ADGRG7: variants seen among roughly 807,000 people sequenced by gnomAD.
ADGRG7 encodes the protein G-protein coupled receptor 128.
Under a neutral mutation model 88.6 loss-of-function variants are expected in ADGRG7, and 82 were observed. That is an observed-to-expected ratio of 0.93 (90% CI 0.77 to 1.11). The LOEUF (loss-of-function observed/expected upper bound fraction) is 1.11. Among genes scored for constraint, ADGRG7 ranks in the 50% most tolerant of loss-of-function variants. The probability of loss-of-function intolerance (pLI) is 0.00; values close to 1 mark genes in which losing one functional copy is unlikely to be tolerated. For missense variants in ADGRG7, 945 were observed against 953.4 expected (o/e 0.99, Z 0.12); for synonymous variants, 381 against 345.2 (o/e 1.10, Z -1.15).
At chr3:100,647,257 T>C (rs189091605) in intron 10 of ADGRG7, among the ~76,000 whole-genome samples, 1 of 152,160 alleles carries the variant, frequency 6.6e-6, no homozygotes, top group Non-Finnish European at 1.5e-5. Context: ...GTCAGAACTA[T>C]GTATTTGATC....
intron 14 of ADGRG7, among the ~76,000 whole-genome samples, chr3:100,667,976 G>T (rs376254319): frequency 6.6e-6 from 1 of 152,186 alleles, no homozygotes; most frequent in Admixed American, 6.5e-5. Context: ...TGGGACAAGC[G>T]CAGTATCTGT....
intron 10 of ADGRG7, among the ~76,000 whole-genome samples, chr3:100,649,156 A>G (rs1375401086): frequency 2.0e-5 from 3 of 152,246 alleles, no homozygotes; most frequent in African/African-American, 7.2e-5. Flanking sequence ...TTTTGATTTT[A>G]GACATCAAGG....
At chr3:100,668,486 T>C (rs973667188) in intron 14 of ADGRG7, among the ~76,000 whole-genome samples, 2 of 152,192 alleles carry the variant, frequency 1.3e-5, no homozygotes, top group Admixed American at 6.5e-5. Context: ...GTAAGTCACA[T>C]GGCCAAGCCC....
chr3:100,681,209 T>A (rs948195546), intron 15 of ADGRG7, among the ~76,000 whole-genome samples: 33 of 150,596 alleles, frequency 2.2e-4, no homozygotes, highest in Non-Finnish European at 4.0e-4. Flanking sequence ...TTGGAGAGGT[T>A]TTTTTTTTAA....
chr3:100,622,008 A>C (rs188637140), intron 1 of ADGRG7, among the ~76,000 whole-genome samples: 219 of 152,322 alleles, frequency 1.4e-3, no homozygotes, highest in Admixed American at 3.5e-3. Context: ...CATCTCTTGC[A>C]TGCATAGTTC....
chr3:100,623,793 A>G (rs1016050122), intron 1 of ADGRG7, among the ~76,000 whole-genome samples: 1 of 152,094 alleles, frequency 6.6e-6, no homozygotes, highest in African/African-American at 2.4e-5. Context: ...AAGTGAGAAC[A>G]TGCGGTGTTT....
chr3:100,621,565 G>A (rs1707311885), intron 1 of ADGRG7, among the ~76,000 whole-genome samples: 1 of 152,242 alleles, frequency 6.6e-6, no homozygotes, highest in Admixed American at 6.5e-5. Flanking sequence ...TATGGAGGCT[G>A]AGAGAGTTGA....
At position 100,646,744 on chromosome 3, in the gene ADGRG7, T is replaced by G. The variant is rs778782447; in HGVS notation, c.1266+20T>G. ...TTAATGGTAAGGATATACATAGCAA[T>G]CTCTTTCCAGATGAGAATTTTCCTT... On this transcript the variant is annotated intron_variant, in intron 10 of 15. Transcript: ENST00000273352. 29 of 1,598,008 alleles carry G rather than the reference T, an allele frequency of 1.8e-5. No individual in the cohort carries two copies. The East Asian group carries it at 6.5e-4, about 36-fold the overall frequency.
intron 8 of ADGRG7, among the ~76,000 whole-genome samples, chr3:100,644,739 C>T (rs925136596): frequency 1.3e-5 from 2 of 151,934 alleles, no homozygotes; most frequent in African/African-American, 4.8e-5. Flanking sequence ...CTATATTGCT[C>T]AGCCTGGTCT....
intron 6 of ADGRG7, 76 bp downstream of exon 6, chr3:100,637,478 A>T: frequency 1.0e-6 from 1 of 962,298 alleles, no homozygotes; most frequent in East Asian, 2.4e-5. Context: ...ATTAACAGAG[A>T]TATCTTTATT....
intron 1 of ADGRG7, among the ~76,000 whole-genome samples, chr3:100,624,999 G>A (rs950803859): frequency 2.6e-5 from 4 of 152,096 alleles, no homozygotes; most frequent in Non-Finnish European, 4.4e-5. Flanking sequence ...TTTTTGCTTA[G>A]GATTGTCTTG....
intron 1 of ADGRG7, among the ~76,000 whole-genome samples, chr3:100,628,721 A>G (rs1342346047): frequency 1.3e-5 from 2 of 152,172 alleles, no homozygotes; most frequent in Admixed American, 6.5e-5. Flanking sequence ...AAACTCTGCT[A>G]TCCCCAACTC....
intron 4 of ADGRG7, among the ~76,000 whole-genome samples, chr3:100,634,517 T>C (rs1184334354): frequency 2.6e-5 from 4 of 152,178 alleles, no homozygotes; most frequent in African/African-American, 9.7e-5. Flanking sequence ...TTTTGCCTAG[T>C]GATCACAGCT....
intron 1 of ADGRG7, among the ~76,000 whole-genome samples, chr3:100,610,500 T>A (rs1427283846): frequency 6.6e-6 from 1 of 152,142 alleles, no homozygotes; most frequent in East Asian, 1.9e-4. Flanking sequence ...AGGAAACTAA[T>A]CAAAAATTTA....
intron 1 of ADGRG7, among the ~76,000 whole-genome samples, chr3:100,619,516 ACACATT>A (rs1387595703): frequency 6.6e-6 from 1 of 152,196 alleles, no homozygotes; most frequent in African/African-American, 2.4e-5. Context: ...GCAAGAGCAA[ACACATT>A]CAAAAGCTAG....
At chr3:100,611,807 C>T (rs1467864045) in intron 1 of ADGRG7, among the ~76,000 whole-genome samples, 3 of 152,162 alleles carry the variant, frequency 2.0e-5, no homozygotes, top group Admixed American at 1.3e-4. Flanking sequence ...TTGCCTTGTA[C>T]ATTTTATTGA....
chr3:100,676,717 G>T (rs1056862104), intron 15 of ADGRG7, among the ~76,000 whole-genome samples: 34 of 151,840 alleles, frequency 2.2e-4, no homozygotes, highest in African/African-American at 8.2e-4. Context: ...TCTAGCTATT[G>T]TCGTATTAGG....
chr3:100,679,179 G>A (rs2094969586), intron 15 of ADGRG7, among the ~76,000 whole-genome samples: 1 of 152,094 alleles, frequency 6.6e-6, no homozygotes, highest in Non-Finnish European at 1.5e-5. Flanking sequence ...ACAAGACAAA[G>A]TCCTTCCCAC....
intron 14 of ADGRG7, among the ~76,000 whole-genome samples, chr3:100,666,124 C>T (rs117908701): frequency 0.04 from 6,098 of 151,508 alleles, 378 homozygotes; most frequent in East Asian, 0.25. Flanking sequence ...TGATCTCGGC[C>T]ACTGCAACCT....
Sources: gnomAD v4.1 joint callset for allele counts (sites outside exome capture counted in the v4.1 genomes callset) on GRCh38, gnomAD v4.1.1 for gene constraint, MANE v1.5 for transcripts, NCBI Gene and HGNC (gene_info 2026-07-23, HGNC 2026-07-21) for gene names.